ELP4: variants seen among roughly 807,000 people sequenced by gnomAD.
The protein encoded by ELP4 is elongator complex protein 4.
ELP4 carries 51 observed loss-of-function variants against 48.9 expected under a neutral mutation model. The ratio of observed to expected loss-of-function variants is 1.04; its 90% CI spans 0.83 to 1.32. ELP4 has a LOEUF of 1.32. Ranked by LOEUF, ELP4 falls within the 40% of genes most tolerant of loss-of-function variation. The pLI is 0.00. For synonymous variants in ELP4, 210 were observed against 189.2 expected, an observed-to-expected ratio of 1.11 and a Z score of -0.90; for missense variants, 519 against 514.6, an observed-to-expected ratio of 1.01 and a Z score of -0.08.
chr11:31,603,645 A>T (rs1957820442), intron 4 of ELP4, 123 bp from the exon 5 acceptor site: 1 of 896,474 alleles, frequency 1.1e-6, no homozygotes, highest in Admixed American at 2.4e-5. Context: ...TAGTGTATGT[A>T]TATCCGTTCT....
chr11:31,621,310 C>T (rs1020373588), intron 5 of ELP4, among the ~76,000 whole-genome samples: 24 of 151,894 alleles, frequency 1.6e-4, no homozygotes, highest in African/African-American at 5.6e-4. Context: ...GTGATAACAG[C>T]TTCTCGTCCT....
intron 2 of ELP4, among the ~76,000 whole-genome samples, chr11:31,536,463 T>A (rs1047495467): frequency 1.3e-5 from 2 of 152,180 alleles, no homozygotes; most frequent in African/African-American, 4.8e-5. Flanking sequence ...GCAATTCTCC[T>A]GCCTCAGCCT....
At chr11:31,653,333 T>A (rs575374925) in intron 9 of ELP4, 1 of 151,884 alleles carries the variant, frequency 6.6e-6, no homozygotes, top group South Asian at 2.1e-4. Flanking sequence ...GTGACTCTTA[T>A]AAGCTATATA....
rs925723029 is a variant in ELP4, at chr11:31,743,994, G to A, written c.1144-39399G>A. On this transcript the variant is annotated intron_variant, in intron 9 of 9. Coordinates refer to ENST00000640961, the MANE Select transcript of ELP4 (RefSeq NM_019040.5). ...GCTCAACAAAATTGGTAGACCACTA[G>A]CAAGACCAATAAAGAAGAAAAGAGA... Among the ~76,000 whole-genome samples the A allele has an allele frequency of 2.0e-5, 3 of 152,028 alleles. No individual in the cohort carries two copies. The East Asian group carries it at 5.8e-4, about 29-fold the overall frequency.
chr11:31,700,125 T>G (rs921330005), intron 9 of ELP4, among the ~76,000 whole-genome samples: 1 of 152,080 alleles, frequency 6.6e-6, no homozygotes, highest in Non-Finnish European at 1.5e-5. Context: ...ACTGGAGTAT[T>G]TAGGGTTGAT....
At chr11:31,701,947 T>G (rs1398220327) in intron 9 of ELP4, among the ~76,000 whole-genome samples, 1 of 152,100 alleles carries the variant, frequency 6.6e-6, no homozygotes, top group Non-Finnish European at 1.5e-5. Context: ...AAATTGAATA[T>G]CAACTGTTAG....
intron 9 of ELP4, among the ~76,000 whole-genome samples, chr11:31,669,730 G>A (rs895390426): frequency 1.3e-5 from 2 of 152,076 alleles, no homozygotes; most frequent in African/African-American, 4.8e-5. Flanking sequence ...GAAAACTAAT[G>A]TTTAACTCTG....
At chr11:31,593,227 C>CTACTGT (rs1554963201) in intron 3 of ELP4, among the ~76,000 whole-genome samples, 1 of 149,910 alleles carries the variant, frequency 6.7e-6, no homozygotes, top group Non-Finnish European at 1.5e-5. Context: ...GTGAATAATA[C>CTACTGT]TGTTGTTGTT....
chr11:31,722,697 G>C (rs57351956), intron 9 of ELP4, among the ~76,000 whole-genome samples: 8 of 90,520 alleles, frequency 8.8e-5, no homozygotes, highest in East Asian at 2.6e-4. Context: ...CTCTCTCTCT[G>C]TCTCTCTCTT....
chr11:31,651,044 A>T (rs1044562021), intron 9 of ELP4: 7 of 151,610 alleles, frequency 4.6e-5, no homozygotes, highest in African/African-American at 1.5e-4. Flanking sequence ...AAAAAGAGAG[A>T]ATTGCCACCA....
intron 5 of ELP4, among the ~76,000 whole-genome samples, chr11:31,612,160 T>A (rs1957992774): frequency 6.6e-6 from 1 of 152,134 alleles, no homozygotes; most frequent in South Asian, 2.1e-4. Context: ...AAATAAGATT[T>A]TTTTTGCTCT....
At chr11:31,614,769 C>T (rs1240565971) in intron 5 of ELP4, among the ~76,000 whole-genome samples, 2 of 152,114 alleles carry the variant, frequency 1.3e-5, no homozygotes, top group African/African-American at 4.8e-5. Context: ...CACGAAGAAG[C>T]ATCACACAAA....
chr11:31,517,100 G>A (rs762497277), intron 1 of ELP4, among the ~76,000 whole-genome samples: 1 of 152,018 alleles, frequency 6.6e-6, no homozygotes, highest in Non-Finnish European at 1.5e-5. Flanking sequence ...TATTATTCTA[G>A]GCGCATGTAT....
chr11:31,777,001 A>AAATT (rs1948262164), intron 9 of ELP4, among the ~76,000 whole-genome samples: 1 of 152,186 alleles, frequency 6.6e-6, no homozygotes, highest in South Asian at 2.1e-4. Context: ...CCACTGGCCT[A>AAATT]TTCATATATG....
rs527572087 is a variant in ELP4, at chr11:31,657,161, C to G, written c.1143+6940C>G. ...TAAGCTTGTGATGTAGGTAGTTTTA[C>G]AGATACTTTTGTACCTAAAACATTT... On this transcript the variant is annotated intron_variant, in intron 9 of 9. Transcript: ENST00000640961. Among the ~76,000 whole-genome samples the G allele has an allele frequency of 2.6e-5, 4 of 152,136 alleles. No individual in the cohort carries two copies. The South Asian group carries it at 8.3e-4, about 32-fold the overall frequency.
intron 9 of ELP4, among the ~76,000 whole-genome samples, chr11:31,731,110 A>G (rs1947177275): frequency 6.6e-6 from 1 of 152,230 alleles, no homozygotes; most frequent in South Asian, 2.1e-4. Flanking sequence ...GTACAAAGCC[A>G]GTCTGAAAAA....
At chr11:31,524,924 G>A (rs887343246) in intron 2 of ELP4, among the ~76,000 whole-genome samples, 1 of 152,124 alleles carries the variant, frequency 6.6e-6, no homozygotes, top group Non-Finnish European at 1.5e-5. Context: ...GGTTAAAGCT[G>A]CAGTGATCAT....
chr11:31,707,775 T>C (rs1946663601), intron 9 of ELP4, among the ~76,000 whole-genome samples: 1 of 152,150 alleles, frequency 6.6e-6, no homozygotes, highest in Non-Finnish European at 1.5e-5. Context: ...GAGAATCCAT[T>C]TTCCAGTTCT....
chr11:31,694,857 C>T (rs187628045), intron 9 of ELP4, among the ~76,000 whole-genome samples: 1,556 of 152,178 alleles, frequency 0.01, 12 homozygotes, highest in Middle Eastern at 0.038. Context: ...TTGTAGTTCT[C>T]CTTGAAGAGG....
Sources: allele counts gnomAD v4.1 joint callset (sites outside exome capture counted in the v4.1 genomes callset), GRCh38; gene constraint gnomAD v4.1.1; transcripts MANE v1.5; gene names NCBI Gene and HGNC (gene_info 2026-07-23, HGNC 2026-07-21).